Variants in TUBGCP6 observed in about 807,000 individuals in gnomAD.
TUBGCP6 encodes the protein gamma-tubulin complex component 6.
Under a neutral mutation model 175.8 loss-of-function variants are expected in TUBGCP6, and 161 were observed. That is an observed-to-expected ratio of 0.92 (90% CI 0.81 to 1.04). The LOEUF (loss-of-function observed/expected upper bound fraction) is 1.04. TUBGCP6 is among the 50% of genes least tolerant of loss of function. TUBGCP6 has a pLI of 0.00. For synonymous variants in TUBGCP6, 1,173 were observed against 1,030.5 expected (o/e 1.14, Z -2.65); for missense variants, 2,572 against 2,433.0 (o/e 1.06, Z -1.20).
At chr22:50,224,489 G>A (rs1327000582) in intron 11 of TUBGCP6, 22 bp downstream of exon 11, 3 of 1,614,202 alleles carry the variant, frequency 1.9e-6, no homozygotes, top group Non-Finnish European at 2.5e-6. Flanking sequence ...AACTGCAGAA[G>A]GGAGGACTTG....
chr22:50,228,507 G>A (rs542824148), intron 4 of TUBGCP6, among the ~76,000 whole-genome samples: 1 of 152,194 alleles, frequency 6.6e-6, no homozygotes, highest in Non-Finnish European at 1.5e-5. Context: ...CACAGCAGCA[G>A]GCCCTGCAGG....
At chr22:50,222,171 A>G in intron 14 of TUBGCP6, 69 bp from the exon 15 acceptor site, 2 of 1,507,882 alleles carry the variant, frequency 1.3e-6, no homozygotes, top group South Asian at 2.3e-5. Context: ...ACACAAAGCC[A>G]CAGCCCCTAC....
chr22:50,229,381 C>T (rs750039688), intron 4 of TUBGCP6, 23 bp downstream of exon 4: 48 of 1,608,358 alleles, frequency 3.0e-5, no homozygotes, highest in Non-Finnish European at 4.0e-5. Flanking sequence ...AGGTGTGTGA[C>T]AACCATGAGG....
chr22:50,218,952 C>A, intron 20 of TUBGCP6, 55 bp from the exon 21 acceptor site: 1 of 1,585,840 alleles, frequency 6.3e-7, no homozygotes, highest in Non-Finnish European at 8.6e-7. Context: ...GCCTGGCACT[C>A]GCCGGCACCC....
chr22:50,220,004 T>C lies in TUBGCP6; in HGVS notation c.4120A>G (p.Ser1374Gly), dbSNP rs2064489161. ...GGAGAGAGGTCCTCAGTGTCCCCGC[T>C]CCTCCCAGGGCCTGTGTGGACACAA... ...SVSEELGPGR[S>G]GDTEDLSPNW... The change falls in exon 17 of 25, where the codon AGC (serine) becomes GGC (glycine). Residue 1374 changes from serine to glycine, a missense_variant. Physicochemically the swap from Ser to Gly is moderately conservative, Grantham distance 56. Transcript: ENST00000248846. The C allele has an allele frequency of 1.2e-6, 2 of 1,613,682 alleles. No homozygotes were observed. The highest frequency in any genetic ancestry group is 1.7e-6 in the Non-Finnish European group (2 of 1,179,870).
intron 13 of TUBGCP6, 94 bp from the exon 14 acceptor site, chr22:50,222,686 G>A (rs2064548714): frequency 2.0e-6 from 3 of 1,519,048 alleles, no homozygotes; most frequent in South Asian, 1.2e-5. Flanking sequence ...CCATAACAGA[G>A]GCCCCAGTGG....
chr22:50,218,215 T>C lies in TUBGCP6; in HGVS notation c.5142A>G (p.Ala1714=), dbSNP rs2064450695. 6.2e-7 allele frequency: 1 copy of C among 1,612,422 alleles called. No individual in the cohort carries two copies. The highest frequency in any genetic ancestry group is 8.5e-7 in the Non-Finnish European group (1 of 1,179,862). Residue 1714 remains alanine (A), a synonymous_variant, in exon 23 of 25, where the codon GCA becomes GCG. Coordinates refer to ENST00000248846, the MANE Select transcript of TUBGCP6 (RefSeq NM_020461.4). ...TGAAGACGGCCTTGTGCAGGTACTC[T>C]GCGTGCGCACGCTGGATCTCCTCCA... ...GDLEEIQRAH[A]EYLHKAVFRG...
intron 3 of TUBGCP6, among the ~76,000 whole-genome samples, chr22:50,232,435 G>A (rs543951247): frequency 1.3e-5 from 2 of 151,952 alleles, no homozygotes; most frequent in African/African-American, 2.4e-5. Context: ...GCACGTGCCT[G>A]TAGTCCCAGC....
chr22:50,225,207 A>T (rs545938951), intron 10 of TUBGCP6, among the ~76,000 whole-genome samples: 53 of 152,150 alleles, frequency 3.5e-4, no homozygotes, highest in Non-Finnish European at 8.8e-5. Flanking sequence ...AGAGGCCTCA[A>T]GAGGGGGCTT....
rs1214904059 is a variant in TUBGCP6, at chr22:50,218,601, A to G, written c.4841T>C (p.Ile1614Thr). 3.1e-6 allele frequency: 5 copies of G among 1,613,616 alleles called. No individual in the cohort carries two copies. Among genetic ancestry groups the G allele is most frequent in the Non-Finnish European group, 4.2e-6 (5 of 1,179,834 alleles). Residue 1614 changes from isoleucine (I) to threonine (T), a missense_variant, in exon 22 of 25, where the codon ATT (isoleucine) becomes ACT (threonine). Coordinates refer to ENST00000248846, the MANE Select transcript of TUBGCP6 (RefSeq NM_020461.4). The stretch of plus-strand genomic sequence containing the variant: ...GCTCACGCAGCCCTCGGTGATGACA[A>G]TGTTGAGAGGCCAGTCCACCTGCCA... The part of the protein sequence containing the change: ...LRYKVDWPLN[I>T]VITEGCVSKY...
At chr22:50,235,373 G>A (rs2064763704) in intron 2 of TUBGCP6, among the ~76,000 whole-genome samples, 1 of 151,712 alleles carries the variant, frequency 6.6e-6, no homozygotes, top group Admixed American at 6.6e-5. Flanking sequence ...AACAGCCAGG[G>A]GGAGAGGAGC....
In TUBGCP6 at chr22:50,220,848, A is replaced by T. The variant is rs757615908; in HGVS notation, c.3511T>A (p.Leu1171Met). Residue 1171 changes from leucine to methionine, a missense_variant, in exon 16 of 25, where the codon TTG becomes ATG. Transcript: ENST00000248846. ...HGHVSDASIS[L>M]GESVSDMAPA... is the part of the protein sequence containing the mutation. Reference sequence around the variant, plus strand: ...GCCATGTCTGACACAGACTCCCCCAAGCTGATGCTGGCATCGGACACGTGT... The same window carrying T: ...GCCATGTCTGACACAGACTCCCCCATGCTGATGCTGGCATCGGACACGTGT... 1 of 1,584,992 alleles carries T rather than the reference A, an allele frequency of 6.3e-7. No homozygotes were observed.
Position 50,225,213 on chromosome 22 carries a change from G to A in TUBGCP6, c.1983+581C>T, listed in dbSNP as rs140313209. Among the ~76,000 whole-genome samples, 308 of 152,132 alleles carry A rather than the reference G, an allele frequency of 2.0e-3. 2 individuals are homozygous for A. Among genetic ancestry groups the A allele is most frequent in the African/African-American group, 7.2e-3 (300 of 41,502 alleles). ...AGGAAACCAAGAGGCCTCAAGAGGG[G>A]GCTTCCCCGCTCAGCCTCTTAGGCC... On this transcript the variant is annotated intron_variant, in intron 10 of 24. Transcript: ENST00000248846.
intron 21 of TUBGCP6, 33 bp from the exon 22 acceptor site, chr22:50,218,653 C>T (rs775438615): frequency 6.2e-7 from 1 of 1,613,444 alleles, no homozygotes; most frequent in African/African-American, 1.3e-5. Flanking sequence ...AGGCATCCCA[C>T]AGGCAGGCAG....
intron 2 of TUBGCP6, among the ~76,000 whole-genome samples, chr22:50,235,148 A>G (rs1361842553): frequency 8.7e-6 from 1 of 114,320 alleles, no homozygotes; most frequent in Non-Finnish European, 1.8e-5. Flanking sequence ...GGCAGCATCC[A>G]CACCCCAGTC....
intron 7 of TUBGCP6, 135 bp downstream of exon 7, chr22:50,226,598 C>A (rs1024211465): frequency 2.4e-4 from 205 of 846,762 alleles, no homozygotes; most frequent in Middle Eastern, 3.4e-4. Flanking sequence ...TTGGGGGCTC[C>A]TGCCCAGTCC....
chr22:50,244,093 G>A lies in TUBGCP6; in HGVS notation c.367C>T (p.Pro123Ser). The change falls in exon 1 of 25, where the codon CCT (proline) becomes TCT (serine). Residue 123 changes from proline (P) to serine (S), a missense_variant. Physicochemically the swap from Pro to Ser is moderately conservative, Grantham distance 74. Coordinates refer to ENST00000248846, the MANE Select transcript of TUBGCP6 (RefSeq NM_020461.4). ...LLVQLAGSGP[P>S]QVLPRKRDYF... ...TCTCGTTTTCTCGGCAGAACTTGAG[G>A]GGGACCACTCCCTGCCAGCTGAACC... is the stretch of plus-strand genomic sequence containing the variant. 1 of 1,613,886 alleles carries A rather than the reference G, an allele frequency of 6.2e-7. No individual in the cohort carries two copies. Among genetic ancestry groups the A allele is most frequent in the South Asian group, 1.1e-5 (1 of 91,084 alleles).
chr22:50,232,527 C>G (rs1474005511), intron 3 of TUBGCP6, among the ~76,000 whole-genome samples: 1 of 151,866 alleles, frequency 6.6e-6, no homozygotes, highest in Non-Finnish European at 1.5e-5. Context: ...CCACTGCACT[C>G]CAGCCTGGGC....
intron 10 of TUBGCP6, among the ~76,000 whole-genome samples, chr22:50,225,276 C>T (rs2064588788): frequency 1.3e-5 from 2 of 152,164 alleles, no homozygotes; most frequent in Non-Finnish European, 2.9e-5. Context: ...CACCAGGCAC[C>T]AGGCCAGAAA....
Sources: allele counts gnomAD v4.1 joint callset (sites outside exome capture counted in the v4.1 genomes callset), GRCh38; gene constraint gnomAD v4.1.1; transcripts MANE v1.5; gene names NCBI Gene and HGNC (gene_info 2026-07-23, HGNC 2026-07-21).